Variants in CTNNA3 observed in about 807,000 individuals in gnomAD.
The protein encoded by CTNNA3 is catenin alpha-3.
CTNNA3 carries 76 observed loss-of-function variants against 95.7 expected under a neutral mutation model. That is an observed-to-expected ratio of 0.79 (90% confidence interval 0.66 to 0.96). The LOEUF (loss-of-function observed/expected upper bound fraction) is 0.96, where lower values mean the gene tolerates loss of function less well. CTNNA3 is among the 40% of genes least tolerant of loss of function. CTNNA3 has a pLI of 0.00. For synonymous variants in CTNNA3, 431 were observed against 374.4 expected, an observed-to-expected ratio of 1.15 and a Z score of -1.74; for missense variants, 1,191 against 1,089.8, an observed-to-expected ratio of 1.09 and a Z score of -1.31.
intron 7 of CTNNA3, among the ~76,000 whole-genome samples, chr10:66,969,593 T>C (rs1230765050): frequency 6.6e-6 from 1 of 152,152 alleles, no homozygotes; most frequent in Non-Finnish European, 1.5e-5. Context: ...ACTGTTTTCA[T>C]GATAATTTGT....
intron 7 of CTNNA3, among the ~76,000 whole-genome samples, chr10:67,001,435 G>T (rs968012806): frequency 1.1e-4 from 16 of 151,844 alleles, no homozygotes; most frequent in African/African-American, 3.9e-4. Flanking sequence ...GGTGAAGTAG[G>T]AGCTGAAGAC....
chr10:67,737,538 A>C (rs1050084358), intron 1 of CTNNA3, among the ~76,000 whole-genome samples: 1 of 152,238 alleles, frequency 6.6e-6, no homozygotes, highest in East Asian at 1.9e-4. Context: ...AAAAATGCAA[A>C]GGATCAACCA....
intron 13 of CTNNA3, among the ~76,000 whole-genome samples, chr10:66,254,422 C>T (rs1286270702): frequency 6.6e-5 from 10 of 152,142 alleles, no homozygotes; most frequent in Non-Finnish European, 1.0e-4. Context: ...TTCCTCATGA[C>T]CTACATGGCT....
At chr10:66,533,509 A>G (rs1841542577) in intron 10 of CTNNA3, among the ~76,000 whole-genome samples, 1 of 152,124 alleles carries the variant, frequency 6.6e-6, no homozygotes, top group Non-Finnish European at 1.5e-5. Flanking sequence ...ATCTCTTCTC[A>G]TTAACGAGAT....
At chr10:66,908,351 T>C (rs1205964495) in intron 7 of CTNNA3, among the ~76,000 whole-genome samples, 2 of 152,186 alleles carry the variant, frequency 1.3e-5, no homozygotes, top group African/African-American at 4.8e-5. Flanking sequence ...CCAGACACAA[T>C]TATTTCTGAC....
intron 5 of CTNNA3, among the ~76,000 whole-genome samples, chr10:67,277,933 G>T (rs1435030230): frequency 6.6e-6 from 1 of 152,092 alleles, no homozygotes; most frequent in Admixed American, 6.6e-5. Context: ...ATATAATCAA[G>T]AAATAACTAT....
At chr10:67,546,686 A>G (rs1416929702) in intron 3 of CTNNA3, among the ~76,000 whole-genome samples, 2 of 152,174 alleles carry the variant, frequency 1.3e-5, no homozygotes, top group Non-Finnish European at 1.5e-5. Flanking sequence ...TTCTTTCCCA[A>G]CAACCTATTG....
intron 5 of CTNNA3, among the ~76,000 whole-genome samples, chr10:67,222,598 C>T (rs925792852): frequency 2.6e-5 from 4 of 152,128 alleles, no homozygotes; most frequent in Admixed American, 6.5e-5. Context: ...TTGTATTTCC[C>T]ACAACGTTGT....
chr10:67,366,571 G>A (rs2132687549), intron 5 of CTNNA3, among the ~76,000 whole-genome samples: 1 of 152,140 alleles, frequency 6.6e-6, no homozygotes, highest in South Asian at 2.1e-4. Context: ...AACCTGGGAG[G>A]CGGAGGTTGC....
intron 7 of CTNNA3, among the ~76,000 whole-genome samples, chr10:66,789,395 G>T (rs920924983): frequency 6.6e-6 from 1 of 151,954 alleles, no homozygotes; most frequent in Admixed American, 6.6e-5. Flanking sequence ...GGCTGGTCTT[G>T]AACTCCTGAC....
At chr10:66,381,914 C>G (rs1201730938) in intron 11 of CTNNA3, among the ~76,000 whole-genome samples, 5 of 152,032 alleles carry the variant, frequency 3.3e-5, no homozygotes, top group African/African-American at 9.7e-5. Flanking sequence ...TTAAGAAGTC[C>G]ACAGATGTAC....
intron 7 of CTNNA3, among the ~76,000 whole-genome samples, chr10:67,046,045 A>C (rs1344107161): frequency 2.0e-5 from 3 of 152,230 alleles, no homozygotes; most frequent in African/African-American, 7.2e-5. Flanking sequence ...AAAAAGAAAT[A>C]CAACAAATTT....
chr10:66,926,040 G>A, intron 7 of CTNNA3: 4 of 456,966 alleles, frequency 8.8e-6, no homozygotes, highest in South Asian at 3.1e-5. Context: ...CAAAGCAACA[G>A]TCCGAGCAGC....
chr10:66,881,007 A>G lies in CTNNA3; in HGVS notation c.1048-105483T>C, dbSNP rs528349241. ...GCCATGGAGAATGTTGAATTAAGCA[A>G]GCAGAGTTTCATCCTGCCACTCAGT... On this transcript the variant is annotated intron_variant, in intron 7 of 17. Transcript: ENST00000433211. Among the ~76,000 whole-genome samples, 135 of 152,212 alleles carry G rather than the reference A, an allele frequency of 8.9e-4. 2 individuals are homozygous for G. In the Middle Eastern group the frequency reaches 0.02, roughly 23 times the overall value.
At chr10:66,650,391 G>C (rs1485386694) in intron 9 of CTNNA3, among the ~76,000 whole-genome samples, 1 of 152,136 alleles carries the variant, frequency 6.6e-6, no homozygotes, top group Non-Finnish European at 1.5e-5. Flanking sequence ...ACAAATATAT[G>C]AAACTTAAAC....
chr10:67,633,712 A>G (rs190387533), intron 2 of CTNNA3, among the ~76,000 whole-genome samples: 1 of 152,312 alleles, frequency 6.6e-6, no homozygotes, highest in East Asian at 1.9e-4. Flanking sequence ...AAGACCCCAT[A>G]AAAACCCCAT....
chr10:65,993,912 T>G (rs2078594968), intron 15 of CTNNA3, among the ~76,000 whole-genome samples: 1 of 152,110 alleles, frequency 6.6e-6, no homozygotes, highest in Admixed American at 6.6e-5. Context: ...ATTTTCGTAT[T>G]TTTAGCAGAG....
chr10:66,660,792 A>G (rs1846236627), intron 9 of CTNNA3, among the ~76,000 whole-genome samples: 1 of 152,074 alleles, frequency 6.6e-6, no homozygotes, highest in Admixed American at 6.6e-5. Flanking sequence ...TCATTATCCC[A>G]TATCCCCATT....
chr10:66,522,354 G>A (rs1199719571), intron 10 of CTNNA3, among the ~76,000 whole-genome samples: 1 of 152,004 alleles, frequency 6.6e-6, no homozygotes, highest in Non-Finnish European at 1.5e-5. Context: ...TAGTTTGGCT[G>A]TATTTCCACT....
Sources: gnomAD v4.1 joint callset for allele counts (sites outside exome capture counted in the v4.1 genomes callset) on GRCh38, gnomAD v4.1.1 for gene constraint, MANE v1.5 for transcripts, NCBI Gene and HGNC (gene_info 2026-07-23, HGNC 2026-07-21) for gene names.